Variants in TEX11 observed in about 807,000 individuals in gnomAD.
TEX11 encodes the protein testis expressed 11.
In TEX11, 7 loss-of-function variants were observed where a neutral mutation model predicts 84.4. That is an observed-to-expected ratio of 0.08 (90% CI 0.05 to 0.16). The LOEUF (loss-of-function observed/expected upper bound fraction) is 0.16. TEX11 is among the 10% of genes least tolerant of loss of function. TEX11 has a pLI of 1.00. For missense variants in TEX11, 551 were observed against 660.5 expected (o/e 0.83, Z 1.82); for synonymous variants, 264 against 222.8 (o/e 1.18, Z -1.64).
At chrX:70,526,149 TAC>T (rs1277401700), downstream of TEX11, among the ~76,000 whole-genome samples, 1 of 111,464 alleles carries the variant, frequency 9.0e-6, no homozygotes, top group East Asian at 2.8e-4. Context: ...ATTGGGATCA[TAC>T]AGAGAGAATG....
chrX:70,762,695 A>C (rs1484352034), intron 9 of TEX11, among the ~76,000 whole-genome samples: 1 of 111,318 alleles, frequency 9.0e-6, no homozygotes, highest in Non-Finnish European at 1.9e-5. Context: ...GTCTTCCACG[A>C]AACTGGTCCC....
intron 24 of TEX11, among the ~76,000 whole-genome samples, chrX:70,602,396 T>C (rs1462952242): frequency 4.7e-5 from 5 of 105,318 alleles, no homozygotes; most frequent in East Asian, 3.0e-4. Context: ...GCTGGTTCAA[T>C]ATACGCAAAT....
At chrX:70,704,868 C>T (rs2090357174) in intron 13 of TEX11, among the ~76,000 whole-genome samples, 1 of 111,412 alleles carries the variant, frequency 9.0e-6, no homozygotes. Context: ...GAAGTCCTTG[C>T]CCATGCCTAT....
At chrX:70,888,103 GT>G (rs1220069788) in intron 2 of TEX11, among the ~76,000 whole-genome samples, 3 of 112,710 alleles carry the variant, frequency 2.7e-5, no homozygotes, top group Non-Finnish European at 3.7e-5. Flanking sequence ...AGAAGGACAG[GT>G]ACAAATAAGC....
intron 14 of TEX11, among the ~76,000 whole-genome samples, chrX:70,680,699 A>G (rs1460295905): frequency 2.7e-5 from 3 of 111,941 alleles, no homozygotes; most frequent in African/African-American, 9.7e-5. Flanking sequence ...GGTTTTCATC[A>G]TCAATTTTAG....
At chrX:70,841,417 G>T (rs952866766) in intron 7 of TEX11, among the ~76,000 whole-genome samples, 3 of 111,119 alleles carry the variant, frequency 2.7e-5, no homozygotes, top group African/African-American at 9.8e-5. Context: ...AAATAAAGAT[G>T]TTCTTTGAAA....
intron 4 of TEX11, among the ~76,000 whole-genome samples, chrX:70,863,780 T>C (rs776353555): frequency 2.2e-4 from 25 of 111,540 alleles, no homozygotes; most frequent in Non-Finnish European, 4.1e-4. Flanking sequence ...CAAATTCCTC[T>C]GAGCTAAAGG....
intron 9 of TEX11, among the ~76,000 whole-genome samples, chrX:70,782,713 A>G (rs920025484): frequency 5.5e-5 from 6 of 108,548 alleles, no homozygotes; most frequent in African/African-American, 2.0e-4. Flanking sequence ...TTAAACCAGT[A>G]AAGATCAAAA....
At chrX:70,887,450 G>A (rs994397122) in intron 2 of TEX11, among the ~76,000 whole-genome samples, 4 of 112,255 alleles carry the variant, frequency 3.6e-5, no homozygotes, top group East Asian at 2.8e-4. Context: ...CTCCCCATGG[G>A]CCTGTAGTGG....
chrX:70,546,619 A>G (rs1419242334), intron 28 of TEX11, among the ~76,000 whole-genome samples: 2 of 111,691 alleles, frequency 1.8e-5, no homozygotes, highest in Non-Finnish European at 3.8e-5. Flanking sequence ...ACAGTCAATA[A>G]GTACATGAAA....
At chrX:70,604,461 T>C (rs1195422467) in intron 24 of TEX11, among the ~76,000 whole-genome samples, 4 of 111,214 alleles carry the variant, frequency 3.6e-5, no homozygotes, top group Non-Finnish European at 7.6e-5. Flanking sequence ...CTTTGGCTTC[T>C]TTATCTCTGT....
intron 13 of TEX11, among the ~76,000 whole-genome samples, chrX:70,708,113 T>C (rs1439270556): frequency 9.1e-6 from 1 of 109,392 alleles, no homozygotes; most frequent in Non-Finnish European, 1.9e-5. Flanking sequence ...AAAAAACAAA[T>C]AGCCTCATTA....
At chrX:70,743,897 C>T (rs964271074) in intron 10 of TEX11, among the ~76,000 whole-genome samples, 2 of 108,540 alleles carry the variant, frequency 1.8e-5, no homozygotes, top group Admixed American at 1.0e-4. Context: ...CACACACACA[C>T]ACACACACAC....
At chrX:70,691,750 T>C (rs2090236849) in intron 13 of TEX11, among the ~76,000 whole-genome samples, 1 of 110,944 alleles carries the variant, frequency 9.0e-6, no homozygotes, top group South Asian at 3.8e-4. Flanking sequence ...ATGTACAGCA[T>C]GGCGACTATA....
At chrX:70,900,747 A>C (rs2091798936) in intron 2 of TEX11, among the ~76,000 whole-genome samples, 1 of 110,983 alleles carries the variant, frequency 9.0e-6, no homozygotes, top group Non-Finnish European at 1.9e-5. Flanking sequence ...TGAGGCCAGG[A>C]GTTCGAGAGC....
chrX:70,746,964 T>C (rs1348310755), intron 9 of TEX11, among the ~76,000 whole-genome samples: 1 of 112,129 alleles, frequency 8.9e-6, no homozygotes, highest in Non-Finnish European at 1.9e-5. Context: ...CAAAGTACCT[T>C]GAGCCTCATT....
chrX:70,697,633 G>A (rs1445577130), intron 13 of TEX11, among the ~76,000 whole-genome samples: 1 of 111,965 alleles, frequency 8.9e-6, no homozygotes, highest in Non-Finnish European at 1.9e-5. Flanking sequence ...TAAAATGATG[G>A]ATTTGAATTC....
chrX:70,655,591 T>C (rs956027416), intron 16 of TEX11, among the ~76,000 whole-genome samples: 8 of 111,429 alleles, frequency 7.2e-5, no homozygotes, highest in Non-Finnish European at 1.5e-4. Flanking sequence ...ACATACACAG[T>C]GCCTAAAAAC....
In TEX11 at chrX:70,782,820, T is replaced by G. The variant is rs191380380; in HGVS notation, c.692+23885A>C. On this transcript the variant is annotated intron_variant, in intron 9 of 29. Transcript: ENST00000374333. ...TATGCACCCAATACAGGAGCATCCA[T>G]ATTCACAAAACAATCCTTAGAGACC... Among the ~76,000 whole-genome samples the G allele has an allele frequency of 3.0e-3, 335 of 110,197 alleles. 1 individual carries two copies. The highest frequency in any genetic ancestry group is 0.011 in the African/African-American group (318 of 30,283).
Sources: gnomAD v4.1 joint callset for allele counts (sites outside exome capture counted in the v4.1 genomes callset) on GRCh38, gnomAD v4.1.1 for gene constraint, MANE v1.5 for transcripts, NCBI Gene and HGNC (gene_info 2026-07-23, HGNC 2026-07-21) for gene names.